Variants in FANCA observed in about 807,000 individuals in gnomAD.
FANCA encodes the protein Fanconi anemia group A protein.
Under a neutral mutation model 194.3 loss-of-function variants are expected in FANCA, and 236 were observed. The ratio of observed to expected loss-of-function variants is 1.21; its 90% CI spans 1.09 to 1.35. FANCA has a LOEUF of 1.35. Ranked by LOEUF, FANCA falls within the 40% of genes most tolerant of loss-of-function variation. The pLI is 0.00. For synonymous variants in FANCA, 1,014 were observed against 715.8 expected (o/e 1.42, Z -6.65); for missense variants, 2,628 against 1,813.9 (o/e 1.45, Z -8.15).
At chr16:89,781,236 T>C (rs905547085) in intron 17 of FANCA, among the ~76,000 whole-genome samples, 43 of 147,130 alleles carry the variant, frequency 2.9e-4, no homozygotes, top group African/African-American at 5.3e-4. Context: ...TGGTGGCGGG[T>C]GCCTGTAGTC....
At chr16:89,744,665 G>GTTTTTT in intron 36 of FANCA, 7 of 369,368 alleles carry the variant, frequency 1.9e-5, no homozygotes, top group Non-Finnish European at 2.5e-5. Flanking sequence ...GGCAGAGGCT[G>GTTTTTT]TTTTTTTTTT....
rs9282685 is a variant in FANCA at position 89,810,827 on chromosome 16, A to T, written c.427-25T>A. ...TCTGAAAAGAGAGATTACATTTTTTAAAAAACAAATTACCTGAAACAATAC... is the reference window on the plus strand; with the variant it reads ...TCTGAAAAGAGAGATTACATTTTTTTAAAAACAAATTACCTGAAACAATAC... On this transcript the variant is annotated intron_variant, in intron 4 of 42. Coordinates refer to ENST00000389301, the MANE Select transcript of FANCA (RefSeq NM_000135.4). 8.8e-3 allele frequency: 14,146 copies of T among 1,612,584 alleles called. 1,162 individuals carry two copies. In the African/African-American group the frequency reaches 0.17, roughly 19 times the overall value.
At chr16:89,791,718 C>T in intron 13 of FANCA, 182 bp from the exon 14 acceptor site, 1 of 970,220 alleles carries the variant, frequency 1.0e-6, no homozygotes, top group Non-Finnish European at 1.6e-6. Context: ...CTGAATGAAG[C>T]AGCAGTGGAC....
intron 33 of FANCA, among the ~76,000 whole-genome samples, chr16:89,747,866 C>A (rs1452164315): frequency 2.6e-5 from 4 of 152,130 alleles, no homozygotes; most frequent in Non-Finnish European, 5.9e-5. Flanking sequence ...TCCGTCTCCC[C>A]AGCTCTGACC....
At position 89,815,892 on chromosome 16, in the gene FANCA, ATTCAGG is replaced by A. The variant is rs1060501881; in HGVS notation, c.168_173del (p.Leu57_Asn58del). 3.7e-6 allele frequency: 6 copies of A among 1,613,502 alleles called. No homozygotes were observed. In the African/African-American group the frequency reaches 5.3e-5, roughly 14 times the overall value. On this transcript the variant is annotated inframe_deletion, in exon 2 of 43. Coordinates refer to ENST00000389301, the MANE Select transcript of FANCA (RefSeq NM_000135.4). ...TTCCTCTTACCTCAAGCAAAAGGGC[ATTCAGG>A]TCCTGATGGCTTCGCAGGAGGCGCA...
intron 21 of FANCA, among the ~76,000 whole-genome samples, 186 bp downstream of exon 21, chr16:89,775,556 G>A (rs959208133): frequency 1.3e-5 from 2 of 152,222 alleles, no homozygotes; most frequent in Non-Finnish European, 2.9e-5. Context: ...GGACCCCCAG[G>A]TAAGAGTCTG....
intron 22 of FANCA, among the ~76,000 whole-genome samples, chr16:89,772,974 G>A (rs747160369): frequency 1.2e-4 from 19 of 152,162 alleles, no homozygotes; most frequent in Admixed American, 6.5e-4. Context: ...CAGGATGAGC[G>A]GGAAAACAGG....
intron 7 of FANCA, among the ~76,000 whole-genome samples, chr16:89,804,255 G>C (rs1247126639): frequency 6.6e-6 from 1 of 152,108 alleles, no homozygotes; most frequent in Non-Finnish European, 1.5e-5. Context: ...ATTTTTATTT[G>C]TAGGTGTCAC....
rs776522404 is a variant in FANCA at position 89,767,152 on chromosome 16, G to C, written c.2590C>G (p.Leu864Val). Reference protein sequence around the residue: ...DTLCSCLSPGLIKKFQFLMFR... With the variant: ...DTLCSCLSPGVIKKFQFLMFR... ...AAGAGTGAACCTACCTTTTTAATAAGGCCTGGAGATAAGCAGCTGCACAAA... is the reference window on the plus strand; with the variant it reads ...AAGAGTGAACCTACCTTTTTAATAACGCCTGGAGATAAGCAGCTGCACAAA... Residue 864 changes from leucine to valine, a missense_variant, in exon 27 of 43, where the codon CTT (leucine) becomes GTT (valine). Physicochemically the swap from Leu to Val is conservative, Grantham distance 32. Coordinates refer to ENST00000389301, the MANE Select transcript of FANCA (RefSeq NM_000135.4). The C allele has an allele frequency of 1.9e-6, 3 of 1,611,332 alleles. No homozygotes were observed. The highest frequency in any genetic ancestry group is 2.2e-5 in the South Asian group (2 of 91,022).
chr16:89,790,708 C>G (rs2040040806), intron 14 of FANCA, among the ~76,000 whole-genome samples: 1 of 151,166 alleles, frequency 6.6e-6, no homozygotes, highest in South Asian at 2.1e-4. Flanking sequence ...CCACTGCACT[C>G]TAGCCTGGGC....
At chr16:89,809,586 A>T (rs911955633) in intron 5 of FANCA, among the ~76,000 whole-genome samples, 1 of 151,982 alleles carries the variant, frequency 6.6e-6, no homozygotes, top group African/African-American at 2.4e-5. Context: ...GCGGTGACTC[A>T]CACCTGTAAT....
chr16:89,762,199 T>G (rs1166711907), intron 28 of FANCA, among the ~76,000 whole-genome samples, 177 bp from the exon 29 acceptor site: 1 of 152,232 alleles, frequency 6.6e-6, no homozygotes, highest in Non-Finnish European at 1.5e-5. Context: ...AAGAATGATT[T>G]CTTACAGGAT....
chr16:89,807,471 C>T (rs982472900), intron 6 of FANCA, among the ~76,000 whole-genome samples: 4 of 151,542 alleles, frequency 2.6e-5, no homozygotes, highest in Admixed American at 6.6e-5. Context: ...AAAAAAAGGC[C>T]GCGCGAGGTG....
chr16:89,786,629 T>C (rs2143489961), intron 14 of FANCA, among the ~76,000 whole-genome samples: 1 of 151,532 alleles, frequency 6.6e-6, no homozygotes, highest in Non-Finnish European at 1.5e-5. Context: ...GTGTAGATTC[T>C]TTTGAATGTT....
rs1057516430 is a variant in FANCA at position 89,811,060 on chromosome 16, G to A, written c.295C>T (p.Gln99Ter). 4 of 1,614,016 alleles carry A rather than the reference G, an allele frequency of 2.5e-6. No individual in the cohort carries two copies. Among genetic ancestry groups the A allele is most frequent in the Non-Finnish European group, 3.4e-6 (4 of 1,180,040 alleles). The change falls in exon 4 of 43, where the codon CAG becomes TAG. Residue 99 changes from glutamine to a stop codon, truncating the protein, a stop_gained. Transcript: ENST00000389301. LOFTEE classifies it high-confidence loss of function. The part of the protein sequence containing the change: ...HSSSFIGSAL[Q>*]DQASRLGVPV... ...ACCCCCAGCCTTGAGGCTTGATCCT[G>A]CAAAGCAGAGCCTTAAACACAAAAC...
At chr16:89,806,499 T>G (rs1162188674) in intron 6 of FANCA, among the ~76,000 whole-genome samples, 10 of 152,050 alleles carry the variant, frequency 6.6e-5, no homozygotes, top group African/African-American at 2.4e-4. Flanking sequence ...CCCTGAGGCC[T>G]TCTGCAGTGT....
At chr16:89,791,776 A>C (rs6500451) in intron 13 of FANCA, 151 bp downstream of exon 13, 2 of 1,085,252 alleles carry the variant, frequency 1.8e-6, no homozygotes, top group Non-Finnish European at 2.7e-6. Context: ...AGCGTCTGAC[A>C]AAGAATGTTC....
rs776471397 is a variant in FANCA at position 89,808,328 on chromosome 16, G to C, written c.562C>G (p.Gln188Glu). The stretch of plus-strand genomic sequence containing the variant: ...AGCTCTTGCAGGCTCACAATGCCTT[G>C]TACGTGAAGATGCCACACCGCTTCA... ...LLEAVWHLHV[Q>E]GIVSLQELLE... is the part of the protein sequence containing the mutation. Residue 188 changes from glutamine (Q) to glutamate (E), a missense_variant, in exon 6 of 43, where the codon CAA becomes GAA. Coordinates refer to ENST00000389301, the MANE Select transcript of FANCA (RefSeq NM_000135.4). The C allele has an allele frequency of 6.2e-7, 1 of 1,614,108 alleles. No homozygotes were observed. The highest frequency in any genetic ancestry group is 1.1e-5 in the South Asian group (1 of 91,082).
At chr16:89,796,306 A>G (rs550535785) in intron 10 of FANCA, among the ~76,000 whole-genome samples, 1 of 152,246 alleles carries the variant, frequency 6.6e-6, no homozygotes, top group South Asian at 2.1e-4. Context: ...GAGCAGAAGG[A>G]AACAGGTTGG....
Sources: allele counts gnomAD v4.1 joint callset (sites outside exome capture counted in the v4.1 genomes callset), GRCh38; gene constraint gnomAD v4.1.1; transcripts MANE v1.5; gene names NCBI Gene and HGNC (gene_info 2026-07-23, HGNC 2026-07-21).